The following SYTL5 variants were observed in gnomAD, a reference collection of about 807,000 sequenced individuals.
SYTL5 encodes synaptotagmin-like protein 5.
In SYTL5, 34 loss-of-function variants were observed where a neutral mutation model predicts 55.9. The observed-to-expected ratio is 0.61, with a 90% CI of 0.46 to 0.81. The LOEUF is 0.81. Ranked by LOEUF, SYTL5 falls within the 30% of genes least tolerant of loss-of-function variation. SYTL5 has a pLI of 0.00. For synonymous variants in SYTL5, 221 were observed against 188.7 expected (o/e 1.17, Z -1.40); for missense variants, 637 against 546.7 (o/e 1.17, Z -1.65).
the SYTL5 span, chrX:37,991,013 T>C: frequency 1.7e-6 from 2 of 1,210,241 alleles, no homozygotes; most frequent in African/African-American, 3.5e-5. Context: ...CCTTGCTCGA[T>C]TGCCTTGCTG....
At chrX:38,085,588 A>G (rs1936645601) in intron 6 of SYTL5, among the ~76,000 whole-genome samples, 1 of 112,011 alleles carries the variant, frequency 8.9e-6, no homozygotes, top group South Asian at 3.8e-4. Context: ...AGAAGTTAGG[A>G]AAGCTCATAA....
chrX:37,962,742 C>T, the SYTL5 span, among the ~76,000 whole-genome samples: 1 of 111,916 alleles, frequency 8.9e-6, no homozygotes, highest in African/African-American at 3.3e-5. Flanking sequence ...CCTGTTGTTT[C>T]CTGACTTTTT....
At chrX:38,056,967 G>A (rs1467931237) in intron 3 of SYTL5, among the ~76,000 whole-genome samples, 1 of 111,586 alleles carries the variant, frequency 9.0e-6, no homozygotes, top group African/African-American at 3.3e-5. Context: ...CCTTTGCTGT[G>A]CAGAAGCTTT....
At chrX:38,017,795 A>G (rs983903758) in intron 1 of SYTL5, among the ~76,000 whole-genome samples, 1 of 109,152 alleles carries the variant, frequency 9.2e-6, no homozygotes, top group African/African-American at 3.3e-5. Context: ...ATATGTCTAC[A>G]TGTAAGTGTG....
intron 13 of SYTL5, among the ~76,000 whole-genome samples, chrX:38,117,052 T>C (rs968398880): frequency 8.9e-6 from 1 of 112,173 alleles, no homozygotes; most frequent in Admixed American, 9.4e-5. Context: ...GCATTCCATA[T>C]GTGTTGGTAG....
chrX:38,011,366 TC>T (rs1373537340), intron 1 of SYTL5, among the ~76,000 whole-genome samples: 2 of 111,624 alleles, frequency 1.8e-5, no homozygotes, highest in African/African-American at 6.5e-5. Flanking sequence ...GCGCGGTGGC[TC>T]ACGCCTGTAA....
rs149603590 is a variant in SYTL5, at chrX:38,046,292, C to T, written c.120-7921C>T. On this transcript the variant is annotated intron_variant, in intron 2 of 16. Transcript: ENST00000297875. ...TTTCATGCTGCTGATAAAGACATAC[C>T]CAAGACTGGGCAATTTACAAAAGAA... is the stretch of plus-strand genomic sequence containing the variant. Among the ~76,000 whole-genome samples, 1,025 of 111,444 alleles carry T rather than the reference C, an allele frequency of 9.2e-3. 13 individuals carry two copies. Among genetic ancestry groups the T allele is most frequent in the African/African-American group, 0.032 (989 of 30,651 alleles).
At chrX:37,995,386 G>A in the SYTL5 span, among the ~76,000 whole-genome samples, 1 of 112,101 alleles carries the variant, frequency 8.9e-6, no homozygotes, top group African/African-American at 3.2e-5. Context: ...ATTGTCCTTA[G>A]GGCTATTTGG....
chrX:37,908,531 T>C, the SYTL5 span, among the ~76,000 whole-genome samples: 2 of 111,559 alleles, frequency 1.8e-5, no homozygotes, highest in South Asian at 7.6e-4. Flanking sequence ...GACCAGAAAG[T>C]CTTCTAGACT....
At chrX:38,063,765 G>A (rs993326111) in intron 3 of SYTL5, among the ~76,000 whole-genome samples, 1 of 111,945 alleles carries the variant, frequency 8.9e-6, no homozygotes, top group Non-Finnish European at 1.9e-5. Flanking sequence ...CTACACTGTT[G>A]TTACATTCCC....
the SYTL5 span, among the ~76,000 whole-genome samples, chrX:37,933,004 A>G: frequency 1.8e-5 from 2 of 111,176 alleles, no homozygotes. Context: ...CAGGGCAGTT[A>G]TGGCCTACAA....
the SYTL5 span, among the ~76,000 whole-genome samples, chrX:37,994,099 A>G: frequency 1.3e-4 from 15 of 112,149 alleles, no homozygotes; most frequent in East Asian, 5.6e-4. Context: ...CCCTCTCAAA[A>G]GGAAGTTCCA....
the SYTL5 span, among the ~76,000 whole-genome samples, chrX:37,954,182 C>T: frequency 9.0e-6 from 1 of 111,429 alleles, no homozygotes; most frequent in Non-Finnish European, 1.9e-5. Flanking sequence ...ATTGAGAGAG[C>T]CAAGGCTAAG....
chrX:38,036,762 T>G (rs761941970), intron 2 of SYTL5, among the ~76,000 whole-genome samples: 31 of 112,202 alleles, frequency 2.8e-4, no homozygotes, highest in Non-Finnish European at 5.1e-4. Flanking sequence ...GCATGAAATA[T>G]CTGTATCATT....
the SYTL5 span, among the ~76,000 whole-genome samples, chrX:37,901,545 C>T: frequency 9.6e-3 from 1,075 of 111,867 alleles, 14 homozygotes; most frequent in African/African-American, 0.033. Flanking sequence ...CTCCTCTACA[C>T]TCCCAAACTG....
chrX:38,083,757 A>T (rs5918470), intron 6 of SYTL5, among the ~76,000 whole-genome samples: 41,344 of 97,364 alleles, frequency 0.42, 8,511 homozygotes, highest in African/African-American at 0.79. Flanking sequence ...CAAAGAGTTT[A>T]GTTTTTAAAT....
At position 38,106,593 on chromosome X, in the gene SYTL5, A is replaced by C. The variant is rs1207203449; in HGVS notation, c.1156A>C (p.Thr386Pro). ...THRLASGLST[T>P]SLNSMMSVYS... ...CCTTTTTCCATCTTGTTTATTCCAG[A>C]CCAGCCTTAACAGCATGATGAGCGT... Residue 386 changes from threonine (T) to proline (P), a missense_variant and splice_region_variant, in exon 11 of 17, where the codon ACC becomes CCC. Coordinates refer to ENST00000297875, the MANE Select transcript of SYTL5 (RefSeq NM_138780.3). 8.4e-7 allele frequency: 1 copy of C among 1,183,690 alleles called. No homozygotes were observed.
chrX:38,106,507 G>A (rs1937213222), intron 10 of SYTL5, 86 bp from the exon 11 acceptor site: 2 of 862,540 alleles, frequency 2.3e-6, no homozygotes, highest in Non-Finnish European at 1.6e-6. Context: ...TAAAGAACAG[G>A]AACTATAATT....
chrX:38,055,243 T>C (rs948949571), intron 3 of SYTL5, among the ~76,000 whole-genome samples: 9 of 112,014 alleles, frequency 8.0e-5, no homozygotes, highest in Non-Finnish European at 1.1e-4. Flanking sequence ...TCCAAATTCT[T>C]TCTCATTCCT....
Sources: allele counts gnomAD v4.1 joint callset (sites outside exome capture counted in the v4.1 genomes callset), GRCh38; gene constraint gnomAD v4.1.1; transcripts MANE v1.5; gene names NCBI Gene and HGNC (gene_info 2026-07-23, HGNC 2026-07-21).